Variants in PRDX1 observed in about 807,000 individuals in gnomAD.
The protein encoded by PRDX1 is peroxiredoxin-1.
A neutral mutation model predicts 20.7 loss-of-function variants in PRDX1; 19 were observed. The ratio of observed to expected loss-of-function variants is 0.92; its 90% CI spans 0.64 to 1.35. The LOEUF is 1.35. Among genes scored for constraint, PRDX1 ranks in the 40% most tolerant of loss-of-function variants. The pLI is 0.00. For synonymous variants in PRDX1, 89 were observed against 83.9 expected (o/e 1.06, Z -0.33); for missense variants, 226 against 240.0 (o/e 0.94, Z 0.38).
intron 1 of PRDX1, among the ~76,000 whole-genome samples, chr1:45,520,475 C>G (rs1264311134): frequency 1.3e-5 from 2 of 152,052 alleles, no homozygotes; most frequent in African/African-American, 4.8e-5. Flanking sequence ...GTAATCCCAG[C>G]ACTTTGGGAG....
intron 2 of PRDX1, among the ~76,000 whole-genome samples, chr1:45,516,303 T>C (rs947454266): frequency 6.6e-6 from 1 of 152,220 alleles, no homozygotes; most frequent in Non-Finnish European, 1.5e-5. Flanking sequence ...AGTGATCACA[T>C]GTGTTCCTAA....
intron 5 of PRDX1, among the ~76,000 whole-genome samples, chr1:45,514,106 G>A (rs967476090): frequency 3.3e-5 from 5 of 152,258 alleles, no homozygotes; most frequent in African/African-American, 7.2e-5. Flanking sequence ...TGGGACATGC[G>A]GGCAGCAATA....
intron 2 of PRDX1, among the ~76,000 whole-genome samples, chr1:45,518,534 A>G (rs1210189295): frequency 2.0e-5 from 3 of 150,684 alleles, no homozygotes; most frequent in Admixed American, 6.7e-5. Context: ...CTACAGTCCC[A>G]GCTACTTGGG....
At position 45,515,746 on chromosome 1, in the gene PRDX1, G is replaced by C. The variant is rs140856676; in HGVS notation, c.168C>G (p.Ile56Met). The change falls in exon 3 of 6, where the codon ATC (isoleucine) becomes ATG (methionine). Residue 56 changes from isoleucine (I) to methionine (M), a missense_variant. Ile to Met is a conservative substitution (Grantham distance 10, BLOSUM62 1). Coordinates refer to ENST00000319248, the MANE Select transcript of PRDX1 (RefSeq NM_181697.3). The stretch of plus-strand genomic sequence containing the variant: ...CTTCTGCCCTATCACTGAAAGCAAT[G>C]ATCTCCGTGGGGCACACAAAGGTGA... ...LDFTFVCPTE[I>M]IAFSDRAEEF... The C allele has an allele frequency of 1.2e-6, 2 of 1,604,994 alleles. No individual in the cohort carries two copies. Among genetic ancestry groups the C allele is most frequent in the Non-Finnish European group, 1.7e-6 (2 of 1,177,492 alleles).
chr1:45,511,430 A>G lies in PRDX1; in HGVS notation c.515-16T>C, dbSNP rs1439348450. 1.4e-5 allele frequency: 23 copies of G among 1,605,296 alleles called. No homozygotes were observed. The highest frequency in any genetic ancestry group is 1.9e-5 in the Non-Finnish European group (22 of 1,173,798). ...GCTGGGCACACTGCAAGAGAAAGGC[A>G]CCACTAATTAATAACCTTCTCAATG... On this transcript the variant is annotated splice_polypyrimidine_tract_variant and intron_variant, in intron 5 of 5. Coordinates refer to ENST00000319248, the MANE Select transcript of PRDX1 (RefSeq NM_181697.3).
chr1:45,514,296 A>G (rs1643817239), intron 5 of PRDX1, among the ~76,000 whole-genome samples: 1 of 152,140 alleles, frequency 6.6e-6, no homozygotes, highest in Non-Finnish European at 1.5e-5. Flanking sequence ...AGAATGATCA[A>G]TAAATACTAA....
chr1:45,521,844 TC>T lies in PRDX1; in HGVS notation c.-28del, dbSNP rs1174322847. 6.6e-6 allele frequency: 1 copy of T among 152,400 alleles called. No homozygotes were observed. Among genetic ancestry groups the T allele is most frequent in the Non-Finnish European group, 1.5e-5 (1 of 68,364 alleles). The allele number at this position is 152,400 out of a possible 1,614,324, so 9.4% of individuals were successfully genotyped here. A position where few individuals can be genotyped will look rare whatever the true frequency, so the allele number is the denominator to read the frequency against. On this transcript the variant is annotated 5_prime_UTR_variant, in exon 1 of 6. Coordinates refer to ENST00000319248, the MANE Select transcript of PRDX1 (RefSeq NM_181697.3). Reference sequence around the variant, plus strand: ...CCACACTCACCAGTCCCAACACAAGTCGCAGAAACTAACCACCGACACCAGG... The same window carrying T: ...CCACACTCACCAGTCCCAACACAAGTGCAGAAACTAACCACCGACACCAGG...
At chr1:45,522,749 A>G (rs1344188915), upstream of PRDX1, 1 of 151,894 alleles carries the variant, frequency 6.6e-6, no homozygotes, top group African/African-American at 2.4e-5. Context: ...GTTCTATTCC[A>G]CATTTTTTTG....
intron 5 of PRDX1, 78 bp from the exon 6 acceptor site, chr1:45,511,492 C>G (rs186082850): frequency 6.7e-6 from 8 of 1,201,368 alleles, no homozygotes; most frequent in Non-Finnish European, 7.2e-6. Flanking sequence ...AAAACCAGTT[C>G]TGCACCTGAA....
At chr1:45,515,123 A>T in intron 3 of PRDX1, 128 bp from the exon 4 acceptor site, 2 of 1,316,750 alleles carry the variant, frequency 1.5e-6, no homozygotes, top group Non-Finnish European at 2.1e-6. Flanking sequence ...TTTTCCAGCA[A>T]TAAAGTGAAT....
intron 1 of PRDX1, 85 bp from the exon 2 acceptor site, chr1:45,519,139 TAAAC>T (rs922691449): frequency 9.7e-6 from 9 of 927,938 alleles, no homozygotes; most frequent in Non-Finnish European, 1.5e-5. Context: ...GACTTAGCTG[TAAAC>T]AATCAAGGCA....
chr1:45,521,789 C>T (rs1250439365), intron 1 of PRDX1, 40 bp downstream of exon 1: 1 of 152,724 alleles, frequency 6.5e-6, no homozygotes, highest in Non-Finnish European at 1.5e-5. Flanking sequence ...GAAGGGCGCG[C>T]CGCGCCTCAC....
chr1:45,521,086 C>T (rs1338905583), intron 1 of PRDX1, among the ~76,000 whole-genome samples: 2 of 152,188 alleles, frequency 1.3e-5, no homozygotes, highest in Non-Finnish European at 2.9e-5. Context: ...AAAACTAAGG[C>T]ATGCTGCAAC....
intron 5 of PRDX1, 108 bp from the exon 6 acceptor site, chr1:45,511,522 C>G (rs1436310045): frequency 3.7e-6 from 3 of 812,950 alleles, no homozygotes; most frequent in Non-Finnish European, 5.9e-6. Flanking sequence ...ACCAGGAAAC[C>G]TACCCCTGCA....
At chr1:45,516,137 T>G (rs1643859298) in intron 2 of PRDX1, among the ~76,000 whole-genome samples, 2 of 152,246 alleles carry the variant, frequency 1.3e-5, no homozygotes, top group Non-Finnish European at 2.9e-5. Flanking sequence ...AAAGCAAGGA[T>G]GCACTTATAA....
chr1:45,513,758 T>A (rs1301983137), intron 5 of PRDX1, among the ~76,000 whole-genome samples: 6 of 152,070 alleles, frequency 3.9e-5, no homozygotes, highest in Non-Finnish European at 8.8e-5. Context: ...GTTTTAAGAG[T>A]CATCACCACT....
At chr1:45,511,769 T>A (rs1486503639) in intron 5 of PRDX1, 1 of 162,878 alleles carries the variant, frequency 6.1e-6, no homozygotes, top group Admixed American at 6.4e-5. Flanking sequence ...AACACTAAAC[T>A]GTTTCTGACA....
chr1:45,516,466 A>C (rs1025477518), intron 2 of PRDX1, among the ~76,000 whole-genome samples: 1 of 152,170 alleles, frequency 6.6e-6, no homozygotes, highest in African/African-American at 2.4e-5. Context: ...AAAACAACAG[A>C]AATATATATA....
chr1:45,520,364 A>G lies in PRDX1; in HGVS notation c.-11-1310T>C, dbSNP rs75180119. Among the ~76,000 whole-genome samples the G allele has an allele frequency of 5.6e-4, 85 of 152,232 alleles. No homozygotes were observed. In the East Asian group the frequency reaches 0.013, roughly 24 times the overall value. The stretch of plus-strand genomic sequence containing the variant: ...AATATCCCAGGGCGAAAACAAGTAT[A>G]AGAATCAATTTACTGCTGAAAAGGA... On this transcript the variant is annotated intron_variant, in intron 1 of 5. Transcript: ENST00000319248.
Sources: gnomAD v4.1 joint callset for allele counts (sites outside exome capture counted in the v4.1 genomes callset) on GRCh38, gnomAD v4.1.1 for gene constraint, MANE v1.5 for transcripts, NCBI Gene and HGNC (gene_info 2026-07-23, HGNC 2026-07-21) for gene names.